Variants in FILIP1L observed in about 807,000 individuals in gnomAD.
FILIP1L encodes the protein filamin A-interacting protein 1-like.
Under a neutral mutation model 96.6 loss-of-function variants are expected in FILIP1L, and 55 were observed. That is an observed-to-expected ratio of 0.57 (90% CI 0.46 to 0.71). FILIP1L has a LOEUF of 0.71. Ranked by LOEUF, FILIP1L falls within the 30% of genes least tolerant of loss-of-function variation. FILIP1L has a pLI of 0.00. For missense variants in FILIP1L, 1,304 were observed against 1,321.2 expected (o/e 0.99, Z 0.20); for synonymous variants, 467 against 473.9 (o/e 0.99, Z 0.19).
chr3:99,974,220 C>T (rs779570486), intron 1 of FILIP1L, among the ~76,000 whole-genome samples: 2 of 152,176 alleles, frequency 1.3e-5, no homozygotes, highest in Non-Finnish European at 2.9e-5. Context: ...AAGGACTTGT[C>T]GTTTTTATCT....
intron 1 of FILIP1L, among the ~76,000 whole-genome samples, chr3:99,948,032 GATA>G (rs1412397023): frequency 6.6e-6 from 1 of 151,360 alleles, no homozygotes; most frequent in African/African-American, 2.4e-5. Context: ...GTGGTGGTAA[GATA>G]ATAAGTATTT....
At chr3:99,895,748 A>G (rs1706230163) in intron 4 of FILIP1L, among the ~76,000 whole-genome samples, 1 of 152,104 alleles carries the variant, frequency 6.6e-6, no homozygotes, top group Non-Finnish European at 1.5e-5. Flanking sequence ...TCTTCCTTTT[A>G]ACTACTCTCC....
intron 3 of FILIP1L, among the ~76,000 whole-genome samples, chr3:99,924,872 A>T (rs750418994): frequency 1.3e-4 from 20 of 152,146 alleles, no homozygotes; most frequent in Non-Finnish European, 4.4e-5. Flanking sequence ...TTGTTAATTG[A>T]TACTTTTGGG....
chr3:100,068,007 C>T (rs986980075), intron 1 of FILIP1L, among the ~76,000 whole-genome samples: 1 of 152,140 alleles, frequency 6.6e-6, no homozygotes, highest in African/African-American at 2.4e-5. Flanking sequence ...TTTTAAGTGC[C>T]TCCACAGCAT....
At chr3:100,085,329 C>G (rs1410458822) in intron 1 of FILIP1L, among the ~76,000 whole-genome samples, 1 of 152,196 alleles carries the variant, frequency 6.6e-6, no homozygotes, top group Admixed American at 6.5e-5. Context: ...TTTATATCTT[C>G]CCTTCTCCTT....
At chr3:100,034,484 A>C (rs1003675315) in intron 1 of FILIP1L, among the ~76,000 whole-genome samples, 1 of 152,244 alleles carries the variant, frequency 6.6e-6, no homozygotes, top group Non-Finnish European at 1.5e-5. Flanking sequence ...GTTAAAAGGT[A>C]GCCACTTCGT....
intron 4 of FILIP1L, among the ~76,000 whole-genome samples, chr3:99,876,777 C>CAA (rs1705548020): frequency 6.6e-6 from 1 of 152,014 alleles, no homozygotes; most frequent in Non-Finnish European, 1.5e-5. Flanking sequence ...TTATTTTTTT[C>CAA]AGTGTTTTTC....
chr3:99,999,958 C>G (rs1709795045), intron 1 of FILIP1L, among the ~76,000 whole-genome samples: 1 of 152,144 alleles, frequency 6.6e-6, no homozygotes, highest in South Asian at 2.1e-4. Flanking sequence ...TCTCTAGACT[C>G]TAGAACAGTG....
chr3:99,888,076 T>TA (rs1485710740), intron 4 of FILIP1L, among the ~76,000 whole-genome samples: 2 of 152,220 alleles, frequency 1.3e-5, no homozygotes, highest in African/African-American at 4.8e-5. Context: ...TCTTAGGTAC[T>TA]ATCTTCGGAC....
At chr3:100,069,048 C>T (rs546541176) in intron 1 of FILIP1L, among the ~76,000 whole-genome samples, 1 of 152,254 alleles carries the variant, frequency 6.6e-6, no homozygotes, top group South Asian at 2.1e-4. Flanking sequence ...TTGGGCACTT[C>T]ATAATAGATC....
chr3:99,983,393 T>A lies in FILIP1L; in HGVS notation c.-10-52363A>T, dbSNP rs868687922. The stretch of plus-strand genomic sequence containing the variant: ...TACTTAAAAAATAAATAAATAAATA[T>A]ATATATATATATATATATATATATA... On this transcript the variant is annotated intron_variant, in intron 1 of 5. Transcript: ENST00000477258. Among the ~76,000 whole-genome samples, 845 of 86,718 alleles carry A rather than the reference T, an allele frequency of 9.7e-3. 25 individuals carry two copies. The highest frequency in any genetic ancestry group is 0.041 in the African/African-American group (768 of 18,712). 56.9% of individuals were successfully genotyped at this position (86,718 alleles called of 152,430 possible).
chr3:99,866,263 G>T (rs1944511415), intron 4 of FILIP1L, among the ~76,000 whole-genome samples: 1 of 152,004 alleles, frequency 6.6e-6, no homozygotes. Flanking sequence ...CAAAGCAGGG[G>T]CCAGTCACGT....
At chr3:99,933,845 TTTTA>T (rs1256606009) in intron 1 of FILIP1L, among the ~76,000 whole-genome samples, 1 of 152,206 alleles carries the variant, frequency 6.6e-6, no homozygotes, top group East Asian at 1.9e-4. Flanking sequence ...GGCTTGCTCC[TTTTA>T]CTTTGTGCCC....
chr3:99,919,733 A>G (rs1274998501), intron 4 of FILIP1L, among the ~76,000 whole-genome samples: 1 of 152,154 alleles, frequency 6.6e-6, no homozygotes, highest in Non-Finnish European at 1.5e-5. Flanking sequence ...GCCTGTCATA[A>G]TAGAAAAGGA....
At chr3:100,020,790 CAG>C (rs1337609168) in intron 1 of FILIP1L, among the ~76,000 whole-genome samples, 3 of 88,798 alleles carry the variant, frequency 3.4e-5, no homozygotes, top group African/African-American at 1.4e-4. Context: ...TTTTTTGAGA[CAG>C]AGTCTTGCTC....
At chr3:99,913,734 C>T (rs759785364) in intron 4 of FILIP1L, among the ~76,000 whole-genome samples, 1 of 152,130 alleles carries the variant, frequency 6.6e-6, no homozygotes, top group East Asian at 1.9e-4. Flanking sequence ...GGGCTATGTG[C>T]GTGACCCTGA....
At position 99,929,236 on chromosome 3, in the gene FILIP1L, G is replaced by A. The variant is rs554202532; in HGVS notation, c.426+620C>T. Among the ~76,000 whole-genome samples the A allele has an allele frequency of 4.6e-5, 7 of 152,306 alleles. No homozygotes were observed. In the East Asian group the frequency reaches 1.2e-3, roughly 25 times the overall value. The stretch of plus-strand genomic sequence containing the variant: ...GCAGTACTGCCTTCTCCCTAGTGGT[G>A]GCCCTGTTGGGACTGCCCACCTTTG... On this transcript the variant is annotated intron_variant, in intron 3 of 5. Transcript: ENST00000477258.
At chr3:100,014,898 T>TTTTTTTTTTTTTTTTTTTTTTTTC (rs1710291087) in intron 1 of FILIP1L, among the ~76,000 whole-genome samples, 1 of 110,398 alleles carries the variant, frequency 9.1e-6, no homozygotes, top group Non-Finnish European at 2.0e-5. Context: ...TTTCTTTCTT[T>TTTTTTTTTTTTTTTTTTTTTTTTC]TTTTTTTTTT....
At chr3:99,926,432 A>C (rs930126297) in intron 3 of FILIP1L, among the ~76,000 whole-genome samples, 2 of 152,342 alleles carry the variant, frequency 1.3e-5, no homozygotes, top group South Asian at 4.1e-4. Context: ...GTTTCAAACC[A>C]CTGCAGCCCT....
Sources: allele counts gnomAD v4.1 joint callset (sites outside exome capture counted in the v4.1 genomes callset), GRCh38; gene constraint gnomAD v4.1.1; transcripts MANE v1.5; gene names NCBI Gene and HGNC (gene_info 2026-07-23, HGNC 2026-07-21).